The following KIFAP3 variants were observed in gnomAD, a reference collection of about 807,000 sequenced individuals.
KIFAP3 encodes the protein kinesin-associated protein 3.
A neutral mutation model predicts 106.5 loss-of-function variants in KIFAP3; 68 were observed. The ratio of observed to expected loss-of-function variants is 0.64; its 90% CI spans 0.53 to 0.78. KIFAP3 has a LOEUF of 0.78. Among genes scored for constraint, KIFAP3 ranks in the 30% least tolerant of loss-of-function variants. KIFAP3 has a pLI of 0.00. For missense variants in KIFAP3, 780 were observed against 941.8 expected (o/e 0.83, Z 2.25); for synonymous variants, 320 against 311.5 (o/e 1.03, Z -0.29).
At chr1:169,949,327 T>C (rs1412026914) in intron 19 of KIFAP3, among the ~76,000 whole-genome samples, 1 of 152,080 alleles carries the variant, frequency 6.6e-6, no homozygotes, top group Non-Finnish European at 1.5e-5. Flanking sequence ...AGTTTGTCTT[T>C]GACCCCACTG....
At chr1:170,043,288 A>G (rs1349826842) in intron 3 of KIFAP3, among the ~76,000 whole-genome samples, 1 of 152,228 alleles carries the variant, frequency 6.6e-6, no homozygotes, top group East Asian at 1.9e-4. Flanking sequence ...TACGGTACCC[A>G]CTGCTCACTA....
chr1:170,074,662 C>T lies in KIFAP3; in HGVS notation c.-195G>A, dbSNP rs1671854430. The T allele has an allele frequency of 6.9e-7, 1 of 1,452,632 alleles. No individual in the cohort carries two copies. Among genetic ancestry groups the T allele is most frequent in the Non-Finnish European group, 9.1e-7 (1 of 1,102,324 alleles). 90.0% of individuals were successfully genotyped at this position (1,452,632 alleles called of 1,614,324 possible). On this transcript the variant is annotated 5_prime_UTR_variant, in exon 1 of 20. Coordinates refer to ENST00000361580, the MANE Select transcript of KIFAP3 (RefSeq NM_014970.4). Reference sequence around the variant, plus strand: ...CTCCCACAGCTTCTGTGCCCCAAAACACTGGAGCGGCCCAGACCCGCCCAG... The same window carrying T: ...CTCCCACAGCTTCTGTGCCCCAAAATACTGGAGCGGCCCAGACCCGCCCAG...
intron 1 of KIFAP3, among the ~76,000 whole-genome samples, chr1:170,056,167 C>CGAA (rs1557869040): frequency 6.6e-6 from 1 of 151,100 alleles, no homozygotes; most frequent in African/African-American, 2.4e-5. Flanking sequence ...CCAAAAGACA[C>CGAA]GAAGAAATTG....
intron 10 of KIFAP3, among the ~76,000 whole-genome samples, chr1:170,013,048 C>A (rs1668320883): frequency 6.6e-6 from 1 of 152,072 alleles, no homozygotes; most frequent in East Asian, 1.9e-4. Context: ...AGAAAAGACA[C>A]CTCAAAGGCT....
At chr1:169,935,985 A>G (rs1398569012) in intron 19 of KIFAP3, among the ~76,000 whole-genome samples, 1 of 151,946 alleles carries the variant, frequency 6.6e-6, no homozygotes, top group Admixed American at 6.6e-5. Context: ...TAAAATTCCT[A>G]CAGGTAAATT....
At position 170,041,738 on chromosome 1, in the gene KIFAP3, A is replaced by G. The variant is rs1019209558; in HGVS notation, c.320-2450T>C. The G allele has an allele frequency of 9.9e-5, 152 of 1,534,970 alleles. 1 individual carries two copies. Among genetic ancestry groups the G allele is most frequent in the Middle Eastern group, 3.3e-4 (2 of 6,004 alleles). ...CTGAATCTGAAAGACTTCTCCGGTA[A>G]GTGTTGCCAAGGGCAATCGACATCC... On this transcript the variant is annotated intron_variant, in intron 3 of 19. Transcript: ENST00000361580.
At chr1:170,083,655 TG>T (rs1672054834) in intron 1 of KIFAP3, among the ~76,000 whole-genome samples, 1 of 152,208 alleles carries the variant, frequency 6.6e-6, no homozygotes, top group African/African-American at 2.4e-5. Context: ...CTGGACCAGG[TG>T]TTTGCAAACT....
intron 8 of KIFAP3, among the ~76,000 whole-genome samples, chr1:170,030,874 A>G (rs1019639231): frequency 2.0e-5 from 3 of 151,710 alleles, no homozygotes; most frequent in African/African-American, 7.2e-5. Flanking sequence ...TATCTTGATT[A>G]TGGTCATTAT....
intron 19 of KIFAP3, among the ~76,000 whole-genome samples, chr1:169,944,681 G>C (rs1664331735): frequency 6.6e-6 from 1 of 152,156 alleles, no homozygotes; most frequent in Non-Finnish European, 1.5e-5. Context: ...CAGCTCTCAG[G>C]AGACCCAAAG....
intron 10 of KIFAP3, among the ~76,000 whole-genome samples, chr1:170,012,515 A>C (rs1668292083): frequency 6.6e-6 from 1 of 152,172 alleles, no homozygotes; most frequent in Non-Finnish European, 1.5e-5. Flanking sequence ...TAAATTTAAG[A>C]AAATACTTTA....
chr1:170,047,418 G>C (rs1670314143), intron 2 of KIFAP3, among the ~76,000 whole-genome samples: 1 of 151,778 alleles, frequency 6.6e-6, no homozygotes, highest in African/African-American at 2.4e-5. Flanking sequence ...TCAGGAGTTT[G>C]AGACCAGCCT....
intron 10 of KIFAP3, among the ~76,000 whole-genome samples, chr1:169,998,086 C>G (rs1571631281): frequency 6.6e-6 from 1 of 151,582 alleles, no homozygotes; most frequent in Admixed American, 6.6e-5. Context: ...TCAATACCCC[C>G]CTCCACACAC....
At chr1:170,011,578 G>A (rs1014276653) in intron 10 of KIFAP3, among the ~76,000 whole-genome samples, 4 of 151,794 alleles carry the variant, frequency 2.6e-5, no homozygotes, top group Non-Finnish European at 4.4e-5. Context: ...ACATACACAT[G>A]TGAGGGTTGG....
rs1299485537 is a variant in KIFAP3 at position 169,983,265 on chromosome 1, C to CT, written c.1506+4dup. On this transcript the variant is annotated splice_donor_region_variant and intron_variant, in intron 13 of 19. Coordinates refer to ENST00000361580, the MANE Select transcript of KIFAP3 (RefSeq NM_014970.4). ...ATTTGAATAGAAAGCCAAAATGATA[C>CT]TTACAATAAACAGATTTTTAGTTGG... 6.5e-7 allele frequency: 1 copy of CT among 1,548,384 alleles called. No individual in the cohort carries two copies. The highest frequency in any genetic ancestry group is 8.9e-7 in the Non-Finnish European group (1 of 1,129,744).
chr1:170,048,424 T>G (rs1670382731), intron 2 of KIFAP3, among the ~76,000 whole-genome samples: 1 of 151,930 alleles, frequency 6.6e-6, no homozygotes, highest in Non-Finnish European at 1.5e-5. Context: ...TAAAAAGACC[T>G]CTAGTTTGCT....
chr1:169,929,581 G>A (rs572649041), intron 19 of KIFAP3, among the ~76,000 whole-genome samples: 21 of 152,152 alleles, frequency 1.4e-4, no homozygotes, highest in East Asian at 1.3e-3. Flanking sequence ...CCAAGAGCAT[G>A]GTTAAGCAGT....
rs1337681718 is a variant in KIFAP3 at position 169,921,648 on chromosome 1, G to T, written c.*28C>A. 1.3e-6 allele frequency: 2 copies of T among 1,554,598 alleles called. No homozygotes were observed. Among genetic ancestry groups the T allele is most frequent in the Non-Finnish European group, 1.8e-6 (2 of 1,126,950 alleles). On this transcript the variant is annotated 3_prime_UTR_variant, in exon 20 of 20. Coordinates refer to ENST00000361580, the MANE Select transcript of KIFAP3 (RefSeq NM_014970.4). ...AACCCACACAGATTTCTTCTAAGCT[G>T]AGATTACACATGGAAACAGATACTT...
chr1:170,033,136 A>G (rs534277884), intron 7 of KIFAP3, among the ~76,000 whole-genome samples: 7 of 151,704 alleles, frequency 4.6e-5, no homozygotes, highest in Non-Finnish European at 7.4e-5. Flanking sequence ...GTCACTATCA[A>G]TCTAGATGCC....
At chr1:169,992,386 GCTAT>G (rs151117942) in intron 10 of KIFAP3, 131 bp from the exon 11 acceptor site, 198 of 426,312 alleles carry the variant, frequency 4.6e-4, no homozygotes, top group African/African-American at 4.5e-4. Context: ...AATATTTTGA[GCTAT>G]CTATTTCAAA....
Sources: allele counts gnomAD v4.1 joint callset (sites outside exome capture counted in the v4.1 genomes callset), GRCh38; gene constraint gnomAD v4.1.1; transcripts MANE v1.5; gene names NCBI Gene and HGNC (gene_info 2026-07-23, HGNC 2026-07-21).